Variants in ACOX3 observed in about 807,000 individuals in gnomAD.
ACOX3 encodes the protein peroxisomal acyl-coenzyme A oxidase 3.
A neutral mutation model predicts 81.5 loss-of-function variants in ACOX3; 73 were observed. That is an observed-to-expected ratio of 0.90 (90% CI 0.74 to 1.09). The LOEUF (loss-of-function observed/expected upper bound fraction) is 1.09, where lower values mean the gene tolerates loss of function less well. Among genes scored for constraint, ACOX3 ranks in the 50% least tolerant of loss-of-function variants. ACOX3 has a pLI of 0.00. For synonymous variants in ACOX3, 387 were observed against 375.1 expected, an observed-to-expected ratio of 1.03 and a Z score of -0.37; for missense variants, 947 against 928.0, an observed-to-expected ratio of 1.02 and a Z score of -0.27.
At position 8,438,214 on chromosome 4, in the gene ACOX3, T is replaced by C. The variant is rs546703546; in HGVS notation, c.-15+2434A>G. On this transcript the variant is annotated intron_variant, in intron 1 of 17. Transcript: ENST00000356406. ...TGACTAAAGTATTGTTAAAAGACAT[T>C]ATCCCCAGGTTTAGACTGCCTCTAA... 3.3e-5 allele frequency among the ~76,000 whole-genome samples: 5 copies of C among 152,292 alleles called. No individual in the cohort carries two copies. The South Asian group carries it at 1.0e-3, about 32-fold the overall frequency.
chr4:8,374,846 G>C, intron 15 of ACOX3, 132 bp downstream of exon 15: 1 of 1,027,900 alleles, frequency 9.7e-7, no homozygotes, highest in Non-Finnish European at 1.4e-6. Context: ...CTTCTCATCT[G>C]TCCACAGCGC....
rs1722733390 is a variant in ACOX3 at position 8,419,741 on chromosome 4, G to A, written c.-14-3206C>T. On this transcript the variant is annotated intron_variant, in intron 1 of 17. Transcript: ENST00000356406. This position sits in a 1 kb window ranked among gnomAD's most constrained non-coding sequence, Gnocchi z 4.2. ...TCAACGGCAATTCCCCACCTCTCAT[G>A]TTCTGGAGATGCCCATACTGAGTGT... Among the ~76,000 whole-genome samples, 1 of 152,152 alleles carries A rather than the reference G, an allele frequency of 6.6e-6. No homozygotes were observed. The highest frequency in any genetic ancestry group is 2.1e-4 in the South Asian group (1 of 4,822).
chr4:8,435,578 C>G (rs978793026), intron 1 of ACOX3, among the ~76,000 whole-genome samples: 1 of 152,006 alleles, frequency 6.6e-6, no homozygotes, highest in Non-Finnish European at 1.5e-5. Context: ...GAACAATTGG[C>G]CATGTATTTA....
In ACOX3 at chr4:8,366,656, C is replaced by G; in HGVS notation, c.*305G>C. 1 of 228,010 alleles carries G rather than the reference C, an allele frequency of 4.4e-6. No individual in the cohort carries two copies. 14.1% of individuals were successfully genotyped at this position (228,010 alleles called of 1,614,324 possible). ...GGGCTGTTTACTTTAGAGAAAGGAG[C>G]TGAACCCTGAAAACTGAATGTGCGA... On this transcript the variant is annotated 3_prime_UTR_variant, in exon 18 of 18. Coordinates refer to ENST00000356406, the MANE Select transcript of ACOX3 (RefSeq NM_003501.3).
rs2108841372 is a variant in ACOX3, at chr4:8,386,069, T to C, written c.1537+3104A>G. ...TCCTGATGATGGAGAGACTGTAAAA[T>C]TGCTTTTGCTTTCAGTCTCAGGGGA... On this transcript the variant is annotated intron_variant, in intron 13 of 17. Coordinates refer to ENST00000356406, the MANE Select transcript of ACOX3 (RefSeq NM_003501.3). This position sits in a 1 kb window ranked among gnomAD's most constrained non-coding sequence, Gnocchi z 5.2. Among the ~76,000 whole-genome samples the C allele has an allele frequency of 6.6e-6, 1 of 152,294 alleles. No individual in the cohort carries two copies. Among genetic ancestry groups the C allele is most frequent in the East Asian group, 1.9e-4 (1 of 5,188 alleles).
Position 8,405,951 on chromosome 4 carries a change from T to C in ACOX3, c.776+4A>G, listed in dbSNP as rs745307956. 1.9e-6 allele frequency: 3 copies of C among 1,613,854 alleles called. No individual in the cohort carries two copies. The Admixed American group carries it at 5.0e-5, about 27-fold the overall frequency. On this transcript the variant is annotated splice_donor_region_variant and intron_variant, in intron 7 of 17. Transcript: ENST00000356406. The surrounding 1 kb of genome is among the most constrained non-coding windows in gnomAD (Gnocchi z 7.1). The stretch of plus-strand genomic sequence containing the variant: ...CTCAGGGCTCAGCAGCCTCTGTCAC[T>C]CACCCATTATCCAGACCGTTCTGCC...
intron 1 of ACOX3, chr4:8,428,537 C>A (rs1723742689): frequency 6.6e-6 from 1 of 152,308 alleles, no homozygotes; most frequent in South Asian, 2.1e-4. Flanking sequence ...GCGCCACCCT[C>A]GTTGCCCTGG....
rs17194220 is a variant in ACOX3, at chr4:8,385,782, A to C, written c.1537+3391T>G. ...GAGCCTGAGGGCCCCACATCACTTA[A>C]ACAGCTTTTACCAAAGATCCACATG... On this transcript the variant is annotated intron_variant, in intron 13 of 17. Transcript: ENST00000356406. The surrounding 1 kb of genome is among the most constrained non-coding windows in gnomAD (Gnocchi z 5.5). 0.027 allele frequency among the ~76,000 whole-genome samples: 4,127 copies of C among 152,288 alleles called. 71 individuals carry two copies. The highest frequency in any genetic ancestry group is 0.039 in the South Asian group (186 of 4,826).
At chr4:8,360,210 A>G in the ACOX3 span, among the ~76,000 whole-genome samples, 1 of 152,150 alleles carries the variant, frequency 6.6e-6, no homozygotes, top group Admixed American at 6.6e-5. Flanking sequence ...CTATGTATTT[A>G]TATGTATTAT....
intron 14 of ACOX3, among the ~76,000 whole-genome samples, chr4:8,379,834 G>A (rs911097653): frequency 6.6e-6 from 1 of 152,184 alleles, no homozygotes. Flanking sequence ...TGCCCGTGCT[G>A]GAGTGCAGTG....
the ACOX3 span, chr4:8,357,168 G>A: frequency 6.8e-4 from 312 of 456,792 alleles, 2 homozygotes; most frequent in African/African-American, 5.7e-3. Flanking sequence ...GAGCAGAACG[G>A]TGCATGCTAA....
At chr4:8,364,466 G>A (rs1016612725), downstream of ACOX3, among the ~76,000 whole-genome samples, 13 of 151,774 alleles carry the variant, frequency 8.6e-5, no homozygotes, top group Non-Finnish European at 8.8e-5. This position sits in a 1 kb window ranked among gnomAD's most constrained non-coding sequence, Gnocchi z 5.0. Flanking sequence ...TTGTGGCATC[G>A]CAAAGCTCTC....
chr4:8,409,643 GCTGTCTGTGCACTGTGGGCAGGA>G (rs1300110179), intron 6 of ACOX3, among the ~76,000 whole-genome samples: 2 of 148,958 alleles, frequency 1.3e-5, no homozygotes, highest in African/African-American at 5.0e-5. Context: ...TGTGGGCAGG[GCTGTCTGTGCACTGTGGGCAGGA>G]CTGTCTGCAC....
chr4:8,390,545 T>A (rs927344886), intron 11 of ACOX3, among the ~76,000 whole-genome samples: 1 of 152,262 alleles, frequency 6.6e-6, no homozygotes, highest in Non-Finnish European at 1.5e-5. Flanking sequence ...AATGAACTCT[T>A]CTTTTAACAC....
chr4:8,429,195 G>A (rs1033815164), intron 1 of ACOX3, among the ~76,000 whole-genome samples: 4 of 152,182 alleles, frequency 2.6e-5, no homozygotes, highest in Non-Finnish European at 5.9e-5. Flanking sequence ...GTACCTGAGC[G>A]AGTTAGAGAA....
At chr4:8,404,402 G>GT (rs1200631782) in intron 7 of ACOX3, among the ~76,000 whole-genome samples, 2 of 150,120 alleles carry the variant, frequency 1.3e-5, no homozygotes, top group Non-Finnish European at 3.0e-5. Context: ...GACAGGTGGA[G>GT]TTAGGAGGGC....
intron 1 of ACOX3, among the ~76,000 whole-genome samples, chr4:8,438,527 A>C (rs1724383924): frequency 6.6e-6 from 1 of 152,174 alleles, no homozygotes; most frequent in Non-Finnish European, 1.5e-5. Context: ...GCCACCCCCA[A>C]ATCACAGGTC....
intron 14 of ACOX3, among the ~76,000 whole-genome samples, chr4:8,379,831 G>A (rs1467753705): frequency 1.3e-5 from 2 of 152,186 alleles, no homozygotes; most frequent in Non-Finnish European, 1.5e-5. Context: ...TGTTGCCCGT[G>A]CTGGAGTGCA....
intron 10 of ACOX3, among the ~76,000 whole-genome samples, chr4:8,392,824 G>A (rs1357047337): frequency 3.9e-5 from 6 of 152,178 alleles, no homozygotes; most frequent in African/African-American, 9.7e-5. Context: ...ATTGTTTGCA[G>A]CGAAACCATG....
Sources: gnomAD v4.1 joint callset for allele counts (sites outside exome capture counted in the v4.1 genomes callset) on GRCh38, gnomAD v4.1.1 for gene constraint, Gnocchi (gnomAD v3.1) non-coding constraint, MANE v1.5 for transcripts, NCBI Gene and HGNC (gene_info 2026-07-23, HGNC 2026-07-21) for gene names.